ZNF609: variants seen among roughly 807,000 people sequenced by gnomAD.
ZNF609 encodes zinc finger protein 609.
ZNF609 carries 11 observed loss-of-function variants against 109.5 expected under a neutral mutation model. The ratio of observed to expected loss-of-function variants is 0.10; its 90% CI spans 0.06 to 0.17. The LOEUF (loss-of-function observed/expected upper bound fraction) is 0.17. Ranked by LOEUF, ZNF609 falls within the 10% of genes least tolerant of loss-of-function variation. ZNF609 has a pLI of 1.00. For missense variants in ZNF609, 1,559 were observed against 1,772.4 expected, an observed-to-expected ratio of 0.88 and a Z score of 2.16; for synonymous variants, 646 against 662.0, an observed-to-expected ratio of 0.98 and a Z score of 0.37.
rs752643305 is a variant in ZNF609 at position 64,675,057 on chromosome 15, A to G, written c.2203A>G (p.Lys735Glu). ...CAAGAAAAAGAAAGACAAAAAAAAGAAGGAATCTTCAAAGGAACTTGAAAG... is the reference window on the plus strand; with the variant it reads ...CAAGAAAAAGAAAGACAAAAAAAAGGAGGAATCTTCAAAGGAACTTGAAAG... ...KDKKKKDKKK[K>E]ESSKELESPL... Residue 735 changes from lysine to glutamate, a missense_variant, in exon 5 of 10, where the codon AAG (lysine) becomes GAG (glutamate). Physicochemically the swap from Lys to Glu is moderately conservative, Grantham distance 56. Coordinates refer to ENST00000326648, the MANE Select transcript of ZNF609 (RefSeq NM_015042.2). 6.2e-7 allele frequency: 1 copy of G among 1,614,176 alleles called. No homozygotes were observed. The highest frequency in any genetic ancestry group is 1.3e-5 in the African/African-American group (1 of 75,048).
chr15:64,573,346 C>CT (rs71133442), intron 2 of ZNF609, among the ~76,000 whole-genome samples: 3,732 of 72,612 alleles, frequency 0.051, 1,236 homozygotes, highest in South Asian at 0.22. Flanking sequence ...GCCCAACTTT[C>CT]TTTTTTTTTT....
chr15:64,607,643 T>TA (rs1244621695), intron 2 of ZNF609, among the ~76,000 whole-genome samples: 2 of 151,700 alleles, frequency 1.3e-5, no homozygotes, highest in Non-Finnish European at 2.9e-5. Flanking sequence ...TAGCTGGAAT[T>TA]ACAGGCATCT....
intron 3 of ZNF609, among the ~76,000 whole-genome samples, chr15:64,638,502 C>A (rs1361106105): frequency 6.6e-6 from 1 of 151,686 alleles, no homozygotes; most frequent in Admixed American, 6.6e-5. Flanking sequence ...AAGTTTTATC[C>A]TTTTACTTAA....
intron 1 of ZNF609, among the ~76,000 whole-genome samples, chr15:64,476,634 TTTCTC>T (rs1245221390): frequency 2.0e-5 from 3 of 152,184 alleles, no homozygotes; most frequent in Non-Finnish European, 4.4e-5. Flanking sequence ...CTTATGTTCT[TTTCTC>T]CTGTCTGCTC....
intron 3 of ZNF609, among the ~76,000 whole-genome samples, chr15:64,653,566 A>C (rs1219704521): frequency 6.6e-6 from 1 of 151,994 alleles, no homozygotes; most frequent in East Asian, 1.9e-4. Flanking sequence ...GAAATGCTTG[A>C]ACCTGGGAGG....
intron 2 of ZNF609, among the ~76,000 whole-genome samples, chr15:64,529,911 G>A (rs576295892): frequency 1.3e-5 from 2 of 151,490 alleles, no homozygotes; most frequent in East Asian, 3.9e-4. Flanking sequence ...TGTATTTTTA[G>A]TAGAGACGGG....
intron 6 of ZNF609, among the ~76,000 whole-genome samples, chr15:64,679,370 T>C (rs1896849284): frequency 6.6e-6 from 1 of 152,166 alleles, no homozygotes; most frequent in Non-Finnish European, 1.5e-5. Context: ...CGCTCCGGCC[T>C]TAAATGTTTT....
At chr15:64,519,179 T>C (rs1326316946) in intron 2 of ZNF609, among the ~76,000 whole-genome samples, 1 of 151,926 alleles carries the variant, frequency 6.6e-6, no homozygotes, top group Non-Finnish European at 1.5e-5. Flanking sequence ...TGAGTAAATA[T>C]CTGAAGGATA....
intron 3 of ZNF609, among the ~76,000 whole-genome samples, chr15:64,646,630 A>T (rs1338509224): frequency 1.0e-5 from 1 of 97,490 alleles, no homozygotes; most frequent in Non-Finnish European, 1.9e-5. Context: ...ACAAGACTCC[A>T]TCTCAAAAAA....
chr15:64,571,032 C>T (rs1204379447), intron 2 of ZNF609, among the ~76,000 whole-genome samples: 1 of 152,108 alleles, frequency 6.6e-6, no homozygotes, highest in Admixed American at 6.6e-5. Flanking sequence ...TCTCTAAATA[C>T]ATAAATAAAG....
chr15:64,570,591 A>C (rs1333447125), intron 2 of ZNF609, among the ~76,000 whole-genome samples: 1 of 152,214 alleles, frequency 6.6e-6, no homozygotes, highest in Non-Finnish European at 1.5e-5. Context: ...GATTATGGTC[A>C]AGTATATGGA....
intron 2 of ZNF609, among the ~76,000 whole-genome samples, chr15:64,611,264 C>T (rs751895004): frequency 1.4e-4 from 22 of 152,108 alleles, no homozygotes; most frequent in Non-Finnish European, 3.2e-4. Flanking sequence ...GTACTTGGGT[C>T]TCTATCATCA....
At chr15:64,535,446 A>T (rs1394285898) in intron 2 of ZNF609, among the ~76,000 whole-genome samples, 1 of 152,234 alleles carries the variant, frequency 6.6e-6, no homozygotes, top group East Asian at 1.9e-4. Context: ...GCGTGTATCA[A>T]TAGTTCATTC....
At chr15:64,572,420 G>A (rs1178781242) in intron 2 of ZNF609, among the ~76,000 whole-genome samples, 3 of 152,098 alleles carry the variant, frequency 2.0e-5, no homozygotes, top group Non-Finnish European at 4.4e-5. Flanking sequence ...TTGAGCCAGG[G>A]AGATTGATCC....
chr15:64,653,211 C>G (rs556220003), intron 3 of ZNF609, among the ~76,000 whole-genome samples: 10 of 152,050 alleles, frequency 6.6e-5, no homozygotes, highest in South Asian at 2.1e-4. Flanking sequence ...TTTAAAGAAC[C>G]CTTTATTTCC....
intron 2 of ZNF609, among the ~76,000 whole-genome samples, chr15:64,562,844 TAAGA>T (rs1894701895): frequency 6.7e-6 from 1 of 148,454 alleles, no homozygotes; most frequent in Non-Finnish European, 1.5e-5. Context: ...AGCAGCTTCT[TAAGA>T]GAGAGGAAAA....
At chr15:64,661,735 T>G (rs1485415995) in intron 3 of ZNF609, among the ~76,000 whole-genome samples, 2 of 152,188 alleles carry the variant, frequency 1.3e-5, no homozygotes, top group Non-Finnish European at 2.9e-5. Context: ...AGTTGGCTCT[T>G]AATAAACATT....
chr15:64,646,783 A>G (rs1896341618), intron 3 of ZNF609, among the ~76,000 whole-genome samples: 1 of 151,434 alleles, frequency 6.6e-6, no homozygotes, highest in African/African-American at 2.4e-5. Context: ...TACTAAAAAT[A>G]CAAAAAATTA....
intron 2 of ZNF609, among the ~76,000 whole-genome samples, chr15:64,604,208 A>G (rs1895557664): frequency 6.6e-6 from 1 of 152,216 alleles, no homozygotes; most frequent in South Asian, 2.1e-4. Flanking sequence ...TGGTTACACC[A>G]TAGTAAGTAT....
Sources: allele counts gnomAD v4.1 joint callset (sites outside exome capture counted in the v4.1 genomes callset), GRCh38; gene constraint gnomAD v4.1.1; transcripts MANE v1.5; gene names NCBI Gene and HGNC (gene_info 2026-07-23, HGNC 2026-07-21).